Variants in MBIP observed in about 807,000 individuals in gnomAD.
MBIP encodes the protein MAP3K12-binding inhibitory protein 1.
A neutral mutation model predicts 45.7 loss-of-function variants in MBIP; 32 were observed. That is an observed-to-expected ratio of 0.70 (90% CI 0.53 to 0.94). MBIP has a LOEUF of 0.94. MBIP is among the 40% of genes least tolerant of loss of function. MBIP has a pLI of 0.00. For synonymous variants in MBIP, 145 were observed against 141.0 expected (o/e 1.03, Z -0.20); for missense variants, 381 against 405.5 (o/e 0.94, Z 0.52).
At chr14:36,305,413 C>T (rs535955189) in intron 7 of MBIP, 43 of 152,174 alleles carry the variant, frequency 2.8e-4, no homozygotes, top group African/African-American at 8.7e-4. Context: ...AGAAGAACTG[C>T]AGTTCTTCTA....
intron 8 of MBIP, among the ~76,000 whole-genome samples, chr14:36,299,963 G>A (rs1483188458): frequency 3.3e-5 from 5 of 151,916 alleles, no homozygotes; most frequent in African/African-American, 1.2e-4. Context: ...GTTTTGGGGG[G>A]GCAGTGATGG....
At chr14:36,309,444 A>G (rs1880073986) in intron 6 of MBIP, among the ~76,000 whole-genome samples, 1 of 152,218 alleles carries the variant, frequency 6.6e-6, no homozygotes, top group South Asian at 2.1e-4. Flanking sequence ...AGTTCATAAG[A>G]CTACAATGCA....
intron 8 of MBIP, among the ~76,000 whole-genome samples, chr14:36,299,513 G>A (rs577831062): frequency 1.3e-5 from 2 of 150,798 alleles, no homozygotes; most frequent in East Asian, 1.9e-4. Flanking sequence ...TTGAAGATGG[G>A]AGGAGGGAGA....
Position 36,316,761 on chromosome 14 carries a change from G to A in MBIP, c.181C>T (p.Gln61Ter). ...VKITIDWNKL[Q>*]SLSAFQPALL... is the part of the protein sequence containing the mutation. ...GCAGGCTGGAATGCCGAGAGGCTCTGGAGCTTGTTCCAATCGATTGTAATT... is the reference window on the plus strand; with the variant it reads ...GCAGGCTGGAATGCCGAGAGGCTCTAGAGCTTGTTCCAATCGATTGTAATT... The change falls in exon 2 of 9, where the codon CAG (glutamine) becomes TAG (stop). Residue 61 changes from glutamine (Q) to a stop codon, truncating the protein, a stop_gained. Transcript: ENST00000416007. LOFTEE classifies it high-confidence loss of function. 1 of 1,612,788 alleles carries A rather than the reference G, an allele frequency of 6.2e-7. No homozygotes were observed. Among genetic ancestry groups the A allele is most frequent in the South Asian group, 1.1e-5 (1 of 90,938 alleles).
chr14:36,314,693 C>G lies in MBIP; in HGVS notation c.472G>C (p.Glu158Gln), dbSNP rs1343983837. The change falls in exon 3 of 9, where the codon GAA (glutamate) becomes CAA (glutamine). Residue 158 changes from glutamate (E) to glutamine (Q), a missense_variant and splice_region_variant. Coordinates refer to ENST00000416007, the MANE Select transcript of MBIP (RefSeq NM_016586.3). Reference sequence around the variant, plus strand: ...CCCCCGCCAAAAAACCTTCTTACTTCTGCTTTTCCAGCCTTTATCTGAACT... The same window carrying G: ...CCCCCGCCAAAAAACCTTCTTACTTGTGCTTTTCCAGCCTTTATCTGAACT... ...EVVQIKAGKAEIDRRISAFIE... is the reference protein window; with the variant it reads ...EVVQIKAGKAQIDRRISAFIE... The G allele has an allele frequency of 6.2e-7, 1 of 1,612,782 alleles. No homozygotes were observed. Among genetic ancestry groups the G allele is most frequent in the Non-Finnish European group, 8.5e-7 (1 of 1,179,384 alleles).
rs763673443 is a variant in MBIP, at chr14:36,320,624, C to G, written c.-36G>C. 3.8e-6 allele frequency: 6 copies of G among 1,573,722 alleles called. No homozygotes were observed. Among genetic ancestry groups the G allele is most frequent in the South Asian group, 2.4e-5 (2 of 84,964 alleles). On this transcript the variant is annotated 5_prime_UTR_variant, in exon 1 of 9. Coordinates refer to ENST00000416007, the MANE Select transcript of MBIP (RefSeq NM_016586.3). ...CAGGCCGCCCCACCACCACCACCAC[C>G]AAGATTTGCTCACAACCCCGCCCCC...
At chr14:36,309,568 GTAAAAATTC>G (rs1176571900) in intron 6 of MBIP, among the ~76,000 whole-genome samples, 1 of 152,230 alleles carries the variant, frequency 6.6e-6, no homozygotes, top group Non-Finnish European at 1.5e-5. Context: ...AACTTGTTAT[GTAAAAATTC>G]TAGAAATTTT....
At chr14:36,312,794 A>G (rs1880285198) in intron 4 of MBIP, among the ~76,000 whole-genome samples, 1 of 152,140 alleles carries the variant, frequency 6.6e-6, no homozygotes, top group Non-Finnish European at 1.5e-5. Context: ...ACGATACTAC[A>G]TAGTAATAAT....
chr14:36,302,491 TAAAAAAAAAAAAAA>T (rs377221159), intron 7 of MBIP, among the ~76,000 whole-genome samples: 23 of 100,544 alleles, frequency 2.3e-4, no homozygotes, highest in African/African-American at 7.5e-4. Context: ...GACACCATCT[TAAAAAAAAAAAAAA>T]AAAAAAAAAA....
At chr14:36,317,223 T>C (rs1042250413) in intron 1 of MBIP, among the ~76,000 whole-genome samples, 1 of 152,202 alleles carries the variant, frequency 6.6e-6, no homozygotes, top group Non-Finnish European at 1.5e-5. Context: ...ACAAGTGTTT[T>C]GTGAAAGTTT....
chr14:36,305,699 G>A (rs1879827559), intron 7 of MBIP, among the ~76,000 whole-genome samples: 1 of 152,058 alleles, frequency 6.6e-6, no homozygotes, highest in Non-Finnish European at 1.5e-5. Flanking sequence ...ATCTCAAAAA[G>A]CTTACCTGAT....
rs756399690 is a variant in MBIP, at chr14:36,316,762, G to A, written c.180C>T (p.Leu60=). The A allele has an allele frequency of 6.2e-7, 1 of 1,612,820 alleles. No homozygotes were observed. Among genetic ancestry groups the A allele is most frequent in the Admixed American group, 1.7e-5 (1 of 59,850 alleles). Residue 60 remains leucine (L), a synonymous_variant, in exon 2 of 9, where the codon CTC becomes CTT. Coordinates refer to ENST00000416007, the MANE Select transcript of MBIP (RefSeq NM_016586.3). The stretch of plus-strand genomic sequence containing the variant: ...CAGGCTGGAATGCCGAGAGGCTCTG[G>A]AGCTTGTTCCAATCGATTGTAATTT... The part of the protein sequence containing the change: ...VVKITIDWNK[L]QSLSAFQPAL...
intron 7 of MBIP, among the ~76,000 whole-genome samples, chr14:36,302,392 T>C (rs1340329195): frequency 6.7e-6 from 1 of 148,888 alleles, no homozygotes; most frequent in African/African-American, 2.5e-5. Context: ...CTTGGGAGGC[T>C]GAGGCAGGAG....
chr14:36,306,025 T>C (rs1214563917), intron 7 of MBIP, among the ~76,000 whole-genome samples: 3 of 152,196 alleles, frequency 2.0e-5, no homozygotes, highest in Non-Finnish European at 4.4e-5. Context: ...GATAAATCTT[T>C]CTAAATATCG....
At chr14:36,319,573 A>G (rs1048412676) in intron 1 of MBIP, 3 of 444,224 alleles carry the variant, frequency 6.8e-6, no homozygotes, top group Admixed American at 4.9e-5. Context: ...TTCTATTTTC[A>G]TAGGAATTTA....
chr14:36,304,899 T>C (rs528209349), intron 7 of MBIP, among the ~76,000 whole-genome samples: 1 of 152,334 alleles, frequency 6.6e-6, no homozygotes, highest in South Asian at 2.1e-4. Flanking sequence ...TTCATCTACA[T>C]GTGAATCTGA....
At chr14:36,318,553 T>C (rs902535762) in intron 1 of MBIP, among the ~76,000 whole-genome samples, 2 of 152,074 alleles carry the variant, frequency 1.3e-5, no homozygotes, top group Admixed American at 6.5e-5. Context: ...ATATAGACTA[T>C]TTAAATATAT....
rs1222268118 is a variant in MBIP at position 36,316,776 on chromosome 14, C to A, written c.166G>T (p.Asp56Tyr). 1 of 1,612,060 alleles carries A rather than the reference C, an allele frequency of 6.2e-7. No individual in the cohort carries two copies. The highest frequency in any genetic ancestry group is 1.1e-5 in the South Asian group (1 of 90,830). ...LRDDVVKITI[D>Y]WNKLQSLSAF... ...GAGAGGCTCTGGAGCTTGTTCCAAT[C>A]GATTGTAATTTTCACCACATCATCT... Residue 56 changes from aspartate (D) to tyrosine (Y), a missense_variant, in exon 2 of 9, where the codon GAT (aspartate) becomes TAT (tyrosine). Transcript: ENST00000416007.
chr14:36,315,616 TG>T (rs1880522371), intron 2 of MBIP, among the ~76,000 whole-genome samples: 1 of 152,090 alleles, frequency 6.6e-6, no homozygotes, highest in African/African-American at 2.4e-5. Context: ...GGAAAACCCC[TG>T]TTGTAGAATT....
Sources: allele counts gnomAD v4.1 joint callset (sites outside exome capture counted in the v4.1 genomes callset), GRCh38; gene constraint gnomAD v4.1.1; transcripts MANE v1.5; gene names NCBI Gene and HGNC (gene_info 2026-07-23, HGNC 2026-07-21).